Variants in CCAR1 observed in about 807,000 individuals in gnomAD.
CCAR1 encodes cell division cycle and apoptosis regulator protein 1.
Under a neutral mutation model 163.8 loss-of-function variants are expected in CCAR1, and 78 were observed. The observed-to-expected ratio is 0.48, with a 90% CI of 0.40 to 0.57. The LOEUF (loss-of-function observed/expected upper bound fraction) is 0.57, where lower values mean the gene tolerates loss of function less well. CCAR1 is among the 20% of genes least tolerant of loss of function. The pLI is 0.00. For synonymous variants in CCAR1, 443 were observed against 460.7 expected, an observed-to-expected ratio of 0.96 and a Z score of 0.49; for missense variants, 1,019 against 1,365.2, an observed-to-expected ratio of 0.75 and a Z score of 4.00.
At chr10:68,762,734 A>G (rs1246988563) in intron 16 of CCAR1, among the ~76,000 whole-genome samples, 4 of 152,164 alleles carry the variant, frequency 2.6e-5, no homozygotes, top group Non-Finnish European at 5.9e-5. Context: ...AGAATGTGAA[A>G]TTTTCTTTTT....
At chr10:68,741,558 C>A (rs545919483) in intron 5 of CCAR1, among the ~76,000 whole-genome samples, 2 of 152,090 alleles carry the variant, frequency 1.3e-5, no homozygotes, top group African/African-American at 4.8e-5. Context: ...CTGGTTAATA[C>A]GTAGAGTGAA....
chr10:68,724,002 T>C (rs2055902198), intron 2 of CCAR1, among the ~76,000 whole-genome samples: 2 of 147,324 alleles, frequency 1.4e-5, no homozygotes, highest in Admixed American at 6.8e-5. Context: ...CTACTAAAAA[T>C]ACAAAACTGG....
chr10:68,737,456 T>G lies in CCAR1; in HGVS notation c.247-389T>G, dbSNP rs74581077. Among the ~76,000 whole-genome samples the G allele has an allele frequency of 2.1e-3, 304 of 147,612 alleles. 2 individuals carry two copies. Among genetic ancestry groups the G allele is most frequent in the African/African-American group, 7.4e-3 (295 of 39,616 alleles). ...AGGTTGAGGCTGCAGTGAACTGAGA[T>G]TACACCACTGCACTCTGGGAGGCAG... On this transcript the variant is annotated intron_variant, in intron 3 of 24. Coordinates refer to ENST00000265872, the MANE Select transcript of CCAR1 (RefSeq NM_018237.4).
At chr10:68,739,451 A>G (rs1455531021) in intron 4 of CCAR1, among the ~76,000 whole-genome samples, 1 of 152,042 alleles carries the variant, frequency 6.6e-6, no homozygotes, top group Admixed American at 6.6e-5. Flanking sequence ...GCCCAGCCTC[A>G]TTCTTTTTTT....
intron 17 of CCAR1, among the ~76,000 whole-genome samples, chr10:68,768,352 G>A (rs980247969): frequency 5.3e-5 from 8 of 151,616 alleles, no homozygotes; most frequent in Admixed American, 4.6e-4. Flanking sequence ...GCTCATGCCT[G>A]TAATCACAGC....
intron 2 of CCAR1, among the ~76,000 whole-genome samples, chr10:68,734,070 AT>A (rs199988863): frequency 1.6e-3 from 241 of 151,308 alleles, no homozygotes; most frequent in African/African-American, 5.4e-3. Flanking sequence ...TTATTTTGTT[AT>A]TTTTTTTTAT....
intron 2 of CCAR1, among the ~76,000 whole-genome samples, chr10:68,731,948 T>C (rs1190954148): frequency 1.3e-5 from 2 of 152,124 alleles, no homozygotes; most frequent in African/African-American, 2.4e-5. Context: ...AAGAGAAGTG[T>C]GGGTATTGGA....
chr10:68,722,217 C>T (rs2055869423), intron 1 of CCAR1, among the ~76,000 whole-genome samples: 1 of 152,168 alleles, frequency 6.6e-6, no homozygotes, highest in Admixed American at 6.6e-5. Context: ...AGTGCTTTTT[C>T]TGAGTCTCCC....
At chr10:68,733,886 A>G (rs1269373922) in intron 2 of CCAR1, among the ~76,000 whole-genome samples, 1 of 151,784 alleles carries the variant, frequency 6.6e-6, no homozygotes, top group Non-Finnish European at 1.5e-5. Flanking sequence ...CTGGTCTCAA[A>G]CTCCTGACCT....
intron 24 of CCAR1, among the ~76,000 whole-genome samples, chr10:68,790,525 T>G (rs1285082276): frequency 6.6e-6 from 1 of 152,074 alleles, no homozygotes; most frequent in African/African-American, 2.4e-5. Context: ...CTGTGTTTTT[T>G]TTGTTTTGTT....
Position 68,725,238 on chromosome 10 carries a change from G to A in CCAR1, c.73+2661G>A, listed in dbSNP as rs2055925101. 2.0e-5 allele frequency among the ~76,000 whole-genome samples: 3 copies of A among 151,974 alleles called. No individual in the cohort carries two copies. The South Asian group carries it at 6.2e-4, about 32-fold the overall frequency. On this transcript the variant is annotated intron_variant, in intron 2 of 24. Transcript: ENST00000265872. Reference sequence around the variant, plus strand: ...GCAGCACTTTGGGAGGCGGAGGTGGGCATATCACTGAGGTCGGGAGTTCGA... The same window carrying A: ...GCAGCACTTTGGGAGGCGGAGGTGGACATATCACTGAGGTCGGGAGTTCGA...
rs1003765571 is a variant in CCAR1 at position 68,722,644 on chromosome 10, G to T, written c.73+67G>T. 1.4e-5 allele frequency: 18 copies of T among 1,251,874 alleles called. No homozygotes were observed. The African/African-American group carries it at 1.5e-4, about 10-fold the overall frequency. 77.5% of individuals were successfully genotyped at this position (1,251,874 alleles called of 1,614,324 possible). A position where few individuals can be genotyped will look rare whatever the true frequency, so the allele number is the denominator to read the frequency against. ...ACTTGTTAAAACTACGTGAATTAGG[G>T]CCGGGGGTGGTGGCTCACGCCTGTT... On this transcript the variant is annotated intron_variant, in intron 2 of 24. Coordinates refer to ENST00000265872, the MANE Select transcript of CCAR1 (RefSeq NM_018237.4).
chr10:68,730,761 G>A (rs577593828), intron 2 of CCAR1, among the ~76,000 whole-genome samples: 37 of 152,182 alleles, frequency 2.4e-4, no homozygotes, highest in Non-Finnish European at 4.6e-4. Flanking sequence ...GTGCAGTCAC[G>A]CTCGCTGTAG....
intron 19 of CCAR1, among the ~76,000 whole-genome samples, chr10:68,773,588 C>A (rs1188388087): frequency 6.6e-6 from 1 of 151,850 alleles, no homozygotes; most frequent in Admixed American, 6.6e-5. Context: ...ATCACTTGAG[C>A]ATGGGAGGCG....
At chr10:68,722,677 C>A in intron 2 of CCAR1, 100 bp downstream of exon 2, 1 of 878,758 alleles carries the variant, frequency 1.1e-6, no homozygotes, top group East Asian at 2.5e-5. Context: ...GTTATCCTAG[C>A]ACTTTGGGAA....
At chr10:68,783,075 T>G (rs1394700452) in intron 19 of CCAR1, among the ~76,000 whole-genome samples, 2 of 150,476 alleles carry the variant, frequency 1.3e-5, no homozygotes, top group Non-Finnish European at 2.9e-5. Flanking sequence ...TGATCATGGC[T>G]CAATCCAGCC....
chr10:68,749,818 C>G, intron 10 of CCAR1, 133 bp downstream of exon 10: 1 of 723,744 alleles, frequency 1.4e-6, no homozygotes, highest in Admixed American at 2.4e-5. Context: ...GGCAGAAATG[C>G]AATTTGAAAT....
At chr10:68,728,866 A>G (rs534994478) in intron 2 of CCAR1, among the ~76,000 whole-genome samples, 1 of 152,026 alleles carries the variant, frequency 6.6e-6, no homozygotes, top group East Asian at 1.9e-4. Flanking sequence ...GAGGCAGGAG[A>G]ATCACTTGAA....
chr10:68,780,843 T>C (rs1035783502), intron 19 of CCAR1, among the ~76,000 whole-genome samples: 2 of 152,206 alleles, frequency 1.3e-5, no homozygotes, highest in Non-Finnish European at 2.9e-5. Flanking sequence ...TAATTATAAA[T>C]ATTGTTTGTG....
Sources: gnomAD v4.1 joint callset for allele counts (sites outside exome capture counted in the v4.1 genomes callset) on GRCh38, gnomAD v4.1.1 for gene constraint, MANE v1.5 for transcripts, NCBI Gene and HGNC (gene_info 2026-07-23, HGNC 2026-07-21) for gene names.